The following TAF1 variants were observed in gnomAD, a reference collection of about 807,000 sequenced individuals.
The protein encoded by TAF1 is TATA-box binding protein associated factor 1.
TAF1 carries 2 observed loss-of-function variants against 138.5 expected under a neutral mutation model. The observed-to-expected ratio is 0.01, with a 90% CI of 0.01 to 0.05. The LOEUF is 0.05. TAF1 is among the 10% of genes least tolerant of loss of function. The pLI, the probability that TAF1 is intolerant of heterozygous loss-of-function variation, is 1.00. For synonymous variants in TAF1, 437 were observed against 503.2 expected, an observed-to-expected ratio of 0.87 and a Z score of 1.76; for missense variants, 709 against 1,478.0, an observed-to-expected ratio of 0.48 and a Z score of 8.53.
At chrX:71,517,607 C>G (rs756172071) in intron 13 of TAF1, among the ~76,000 whole-genome samples, 8 of 112,201 alleles carry the variant, frequency 7.1e-5, no homozygotes, top group African/African-American at 1.9e-4. Flanking sequence ...CCACAAGGAA[C>G]TAAATTCTGC....
At chrX:71,421,242 A>C in intron 28 of TAF1, 67 bp from the exon 29 acceptor site, 1 of 998,020 alleles carries the variant, frequency 1.0e-6, no homozygotes, top group Non-Finnish European at 1.4e-6. Flanking sequence ...CATTAAAAGG[A>C]TAAAGAAGTG....
At position 71,465,357 on chromosome X, in the gene TAF1, C is replaced by A. The variant is rs1481743776; in HGVS notation, c.*1311C>A. 8.9e-6 allele frequency: 1 copy of A among 111,943 alleles called. No individual in the cohort carries two copies. Among genetic ancestry groups the A allele is most frequent in the East Asian group, 2.8e-4 (1 of 3,593 alleles). The allele number at this position is 111,943 out of a possible 1,213,427, so 9.2% of individuals were successfully genotyped here. On this transcript the variant is annotated 3_prime_UTR_variant, in exon 38 of 38. Coordinates refer to ENST00000423759, the MANE Select transcript of TAF1 (RefSeq NM_004606.5). ...ATCATGTCTGAAAAGTCAGGAAAGT[C>A]TTCCTAGAGGTAATTTTTAAGCTGA...
At chrX:71,454,052 T>C in intron 32 of TAF1, 118 bp from the exon 33 acceptor site, 1 of 593,613 alleles carries the variant, frequency 1.7e-6, no homozygotes, top group Non-Finnish European at 2.7e-6. Context: ...AGAGTCCAAG[T>C]TAAAGCTGAG....
At chrX:71,423,440 A>G (rs1005394803) in intron 30 of TAF1, among the ~76,000 whole-genome samples, 1 of 110,650 alleles carries the variant, frequency 9.0e-6, no homozygotes, top group African/African-American at 3.3e-5. Flanking sequence ...ATTGAAATCA[A>G]AGAGGCCAGG....
intron 32 of TAF1, among the ~76,000 whole-genome samples, chrX:71,434,910 A>G (rs1286500706): frequency 8.9e-6 from 1 of 112,808 alleles, no homozygotes; most frequent in Non-Finnish European, 1.9e-5. Context: ...ACTTAACAAA[A>G]TTGGCAGAGG....
At chrX:71,469,145 T>TA (rs1168266521), downstream of TAF1, among the ~76,000 whole-genome samples, 1 of 110,436 alleles carries the variant, frequency 9.1e-6, no homozygotes, top group Non-Finnish European at 1.9e-5. Flanking sequence ...TCTACTAAAA[T>TA]AAAAAAACAA....
At chrX:71,508,685 A>C (rs1374288220) in intron 13 of TAF1, among the ~76,000 whole-genome samples, 1 of 108,722 alleles carries the variant, frequency 9.2e-6, no homozygotes, top group African/African-American at 3.3e-5. Flanking sequence ...GGCAGAACAC[A>C]AATAAAGGTG....
At chrX:71,512,980 T>C (rs1228995573) in intron 13 of TAF1, among the ~76,000 whole-genome samples, 1 of 112,306 alleles carries the variant, frequency 8.9e-6, no homozygotes, top group Non-Finnish European at 1.9e-5. Flanking sequence ...GCTATTGACT[T>C]TGGCAGTTTG....
At chrX:71,523,292 A>C (rs1388864681) in intron 13 of TAF1, among the ~76,000 whole-genome samples, 1 of 110,813 alleles carries the variant, frequency 9.0e-6, no homozygotes, top group Non-Finnish European at 1.9e-5. Flanking sequence ...CTACAGAATG[A>C]AGTTTTATTT....
chrX:71,392,348 T>C (rs911710820), intron 18 of TAF1, among the ~76,000 whole-genome samples: 1 of 111,846 alleles, frequency 8.9e-6, no homozygotes, highest in Non-Finnish European at 1.9e-5. Flanking sequence ...TAATATCATG[T>C]TGTAAGTATT....
Position 71,388,685 on chromosome X carries a change from A to T in TAF1, c.2570-53A>T, listed in dbSNP as rs2034384742. 3 of 1,202,512 alleles carry T rather than the reference A, an allele frequency of 2.5e-6. No individual in the cohort carries two copies. In the Admixed American group the frequency reaches 6.6e-5, roughly 27 times the overall value. On this transcript the variant is annotated intron_variant, in intron 16 of 37. Transcript: ENST00000423759. ...GTCCCTGTTGCTGTCAATAAATATC[A>T]GGGCCTTTGGAATTCAGAATGGTCT...
chrX:71,508,086 C>CTCTCTCTCTCTATATATA (rs4040068), intron 13 of TAF1, among the ~76,000 whole-genome samples: 52 of 92,167 alleles, frequency 5.6e-4, no homozygotes, highest in African/African-American at 1.5e-3. Flanking sequence ...CTCTCTCTCT[C>CTCTCTCTCTCTATATATA]TATATATATA....
intron 13 of TAF1, among the ~76,000 whole-genome samples, chrX:71,497,839 G>A (rs2039424575): frequency 9.0e-6 from 1 of 111,352 alleles, no homozygotes; most frequent in Non-Finnish European, 1.9e-5. Context: ...TCCATAGTCA[G>A]CAAAAGCCAG....
intron 17 of TAF1, 132 bp downstream of exon 17, chrX:71,389,000 A>G: frequency 5.1e-6 from 4 of 786,019 alleles, no homozygotes; most frequent in Admixed American, 3.9e-5. Flanking sequence ...GATTATTACC[A>G]ATTACTAAAA....
At chrX:71,486,403 C>T (rs1312585187) in intron 13 of TAF1, among the ~76,000 whole-genome samples, 2 of 109,990 alleles carry the variant, frequency 1.8e-5, no homozygotes, top group Admixed American at 9.8e-5. Context: ...CTGTCACCCA[C>T]GCTGGGGTGC....
In TAF1 at chrX:71,519,277, C is replaced by G. The variant is rs189166175; in HGVS notation, c.1367-9265C>G. On this transcript the variant is annotated intron_variant and NMD_transcript_variant, in intron 13 of 14. Transcript: ENST00000373775. Reference sequence around the variant, plus strand: ...GCGGAGGTTACAGTGAGCCGGTGATCAAGCCACTGCACTCTAGCCTGGGCG... The same window carrying G: ...GCGGAGGTTACAGTGAGCCGGTGATGAAGCCACTGCACTCTAGCCTGGGCG... Among the ~76,000 whole-genome samples the G allele has an allele frequency of 2.5e-3, 244 of 97,580 alleles. 3 individuals carry two copies. Among genetic ancestry groups the G allele is most frequent in the Middle Eastern group, 0.013 (2 of 159 alleles). 84.7% of individuals were successfully genotyped at this position (97,580 alleles called of 115,157 possible). A position where few individuals can be genotyped will look rare whatever the true frequency, so the allele number is the denominator to read the frequency against.
chrX:71,424,343 C>T, intron 32 of TAF1, 105 bp downstream of exon 32: 1 of 575,565 alleles, frequency 1.7e-6, no homozygotes, highest in Non-Finnish European at 2.6e-6. Context: ...GGATCTTGCT[C>T]TCTTACCCAG....
chrX:71,469,949 C>G (rs1446626459), downstream of TAF1, among the ~76,000 whole-genome samples: 1 of 112,044 alleles, frequency 8.9e-6, no homozygotes, highest in African/African-American at 3.2e-5. Flanking sequence ...GATCCGCCCT[C>G]CTTGGCCTCC....
At chrX:71,447,838 T>C (rs1325501878) in intron 32 of TAF1, among the ~76,000 whole-genome samples, 1 of 111,204 alleles carries the variant, frequency 9.0e-6, no homozygotes, top group Non-Finnish European at 1.9e-5. Context: ...TGGTGGAATA[T>C]CAACTTTCCA....
Sources: allele counts gnomAD v4.1 joint callset (sites outside exome capture counted in the v4.1 genomes callset), GRCh38; gene constraint gnomAD v4.1.1; transcripts MANE v1.5; gene names NCBI Gene and HGNC (gene_info 2026-07-23, HGNC 2026-07-21).